The following ZNF510 variants were observed in gnomAD, a reference collection of about 807,000 sequenced individuals.
The protein encoded by ZNF510 is zinc finger protein 510.
ZNF510 carries 15 observed loss-of-function variants against 18.1 expected under a neutral mutation model. That is an observed-to-expected ratio of 0.83 (90% CI 0.55 to 1.28). The LOEUF (loss-of-function observed/expected upper bound fraction) is 1.28. Among genes scored for constraint, ZNF510 ranks in the 50% most tolerant of loss-of-function variants. The probability of loss-of-function intolerance (pLI) is 0.00; values close to 1 mark genes in which losing one functional copy is unlikely to be tolerated. For missense variants in ZNF510, 724 were observed against 791.8 expected (o/e 0.91, Z 1.03); for synonymous variants, 261 against 266.4 (o/e 0.98, Z 0.20).
At chr9:96,763,258 T>C (rs1849397164) in intron 4 of ZNF510, 45 bp from the exon 5 acceptor site, 1 of 1,586,754 alleles carries the variant, frequency 6.3e-7, no homozygotes, top group South Asian at 1.1e-5. Flanking sequence ...ATATATGAGA[T>C]TTTAGTCTCC....
At chr9:96,765,105 T>G (rs1849440557) in intron 3 of ZNF510, among the ~76,000 whole-genome samples, 1 of 150,298 alleles carries the variant, frequency 6.7e-6, no homozygotes. Context: ...AGAGTGAGAT[T>G]CTTGTATAAA....
intron 3 of ZNF510, among the ~76,000 whole-genome samples, chr9:96,774,304 G>C (rs1248689921): frequency 6.7e-6 from 1 of 149,180 alleles, no homozygotes; most frequent in Non-Finnish European, 1.5e-5. Flanking sequence ...CTGAAAAACT[G>C]TATTAATAAT....
At chr9:96,770,251 G>A (rs73554356) in intron 3 of ZNF510, among the ~76,000 whole-genome samples, 5,898 of 152,090 alleles carry the variant, frequency 0.039, 293 homozygotes, top group African/African-American at 0.1. Flanking sequence ...GTACTGATAC[G>A]TACAACATGG....
chr9:96,758,776 C>T lies in ZNF510; in HGVS notation c.*2G>A. 6.4e-7 allele frequency: 1 copy of T among 1,561,180 alleles called. No individual in the cohort carries two copies. Among genetic ancestry groups the T allele is most frequent in the Non-Finnish European group, 8.6e-7 (1 of 1,156,234 alleles). On this transcript the variant is annotated 3_prime_UTR_variant, in exon 6 of 6. Transcript: ENST00000223428. ...TGTCAAAAGGATTTTCTAGTTATTA[C>T]ATCAATAGGGATTCCCCTCTCCCTG...
In ZNF510 at chr9:96,760,220, C is replaced by T. The variant is rs142307404; in HGVS notation, c.610G>A (p.Gly204Ser). 1.4e-3 allele frequency: 2,209 copies of T among 1,612,920 alleles called. 7 individuals carry two copies. The highest frequency in any genetic ancestry group is 5.9e-3 in the South Asian group (533 of 90,716). The change falls in exon 6 of 6, where the codon GGT (glycine) becomes AGT (serine). Residue 204 changes from glycine to serine, a missense_variant. Coordinates refer to ENST00000223428, the MANE Select transcript of ZNF510 (RefSeq NM_014930.3). Reference sequence around the variant, plus strand: ...AAAGGTGAATTCTCACATACATTACCGCAACCTATTTTCTTTGTTGAATAG... The same window carrying T: ...AAAGGTGAATTCTCACATACATTACTGCAACCTATTTTCTTTGTTGAATAG... Reference protein sequence around the residue: ...RNYSTKKIGCGNVCENSPFKI... With the variant: ...RNYSTKKIGCSNVCENSPFKI...
intron 3 of ZNF510, among the ~76,000 whole-genome samples, chr9:96,765,343 T>C (rs146545153): frequency 2.6e-5 from 4 of 152,136 alleles, no homozygotes; most frequent in African/African-American, 7.2e-5. Context: ...TTTGTGGACA[T>C]GTACAGGAAG....
Position 96,758,121 on chromosome 9 carries a change from A to AG in ZNF510, c.*656dup, listed in dbSNP as rs1259856060. The stretch of plus-strand genomic sequence containing the variant: ...ATTGCGTAAAGTGAAAATACAGATA[A>AG]GGGGGGACTACTGTATAAGCTTAAA... On this transcript the variant is annotated 3_prime_UTR_variant, in exon 6 of 6. Coordinates refer to ENST00000223428, the MANE Select transcript of ZNF510 (RefSeq NM_014930.3). 2 of 152,202 alleles carry AG rather than the reference A, an allele frequency of 1.3e-5. No individual in the cohort carries two copies. Among genetic ancestry groups the AG allele is most frequent in the African/African-American group, 4.8e-5 (2 of 41,436 alleles). 9.4% of individuals were successfully genotyped at this position (152,202 alleles called of 1,614,324 possible). A position where few individuals can be genotyped will look rare whatever the true frequency, so the allele number is the denominator to read the frequency against.
Position 96,758,846 on chromosome 9 carries a change from C to CA in ZNF510, c.1983dup (p.Gly662TrpfsTer5), listed in dbSNP as rs759142867. ...AGGGTAGACTTCTTACATAATTTCC[C>CA]ATATTCATTGCATTCATAAGATTTC... On this transcript the variant is annotated frameshift_variant, in exon 6 of 6. Transcript: ENST00000223428. LOFTEE classifies it low-confidence loss of function (END_TRUNC). 1 of 1,613,742 alleles carries CA rather than the reference C, an allele frequency of 6.2e-7. No homozygotes were observed. The highest frequency in any genetic ancestry group is 2.2e-5 in the East Asian group (1 of 44,868).
At chr9:96,762,175 C>T (rs1253321914) in intron 5 of ZNF510, among the ~76,000 whole-genome samples, 2 of 146,772 alleles carry the variant, frequency 1.4e-5, no homozygotes, top group African/African-American at 5.1e-5. Context: ...TAACCAAATA[C>T]CACCTGTTCC....
intron 3 of ZNF510, among the ~76,000 whole-genome samples, chr9:96,766,037 G>T (rs1027411502): frequency 6.6e-6 from 1 of 152,120 alleles, no homozygotes; most frequent in African/African-American, 2.4e-5. Context: ...ATTATGTACT[G>T]ACTGGCTGAC....
At chr9:96,769,332 A>G (rs10156424) in intron 3 of ZNF510, among the ~76,000 whole-genome samples, 8,831 of 151,690 alleles carry the variant, frequency 0.058, 866 homozygotes, top group African/African-American at 0.2. Context: ...AGCTACTCGG[A>G]AGGCTGAGGT....
At chr9:96,764,039 A>G (rs978636547) in intron 3 of ZNF510, among the ~76,000 whole-genome samples, 1 of 152,182 alleles carries the variant, frequency 6.6e-6, no homozygotes, top group Non-Finnish European at 1.5e-5. Flanking sequence ...TGAGGCTGCA[A>G]TGAGCCATGA....
In ZNF510 at chr9:96,760,215, A is replaced by G; in HGVS notation, c.615T>C (p.Asn205=). ...TTTTGAAAGGTGAATTCTCACATACATTACCGCAACCTATTTTCTTTGTTG... is the reference window on the plus strand; with the variant it reads ...TTTTGAAAGGTGAATTCTCACATACGTTACCGCAACCTATTTTCTTTGTTG... The part of the protein sequence containing the change: ...NYSTKKIGCG[N]VCENSPFKIN... Residue 205 remains asparagine (N), a synonymous_variant, in exon 6 of 6, where the codon AAT becomes AAC. Coordinates refer to ENST00000223428, the MANE Select transcript of ZNF510 (RefSeq NM_014930.3). The G allele has an allele frequency of 1.9e-6, 3 of 1,613,202 alleles. No individual in the cohort carries two copies. Among genetic ancestry groups the G allele is most frequent in the Middle Eastern group, 1.7e-4 (1 of 6,052 alleles).
intron 3 of ZNF510, among the ~76,000 whole-genome samples, chr9:96,764,161 AC>A (rs1849416681): frequency 6.6e-6 from 1 of 151,696 alleles, no homozygotes; most frequent in African/African-American, 2.4e-5. Context: ...ATAAATAGAT[AC>A]ATTACTAAAA....
intron 5 of ZNF510, among the ~76,000 whole-genome samples, chr9:96,761,351 T>C (rs1247606324): frequency 2.6e-5 from 4 of 152,208 alleles, no homozygotes; most frequent in Admixed American, 6.5e-5. Flanking sequence ...CTTTATGCAT[T>C]CTAAATGCCT....
In ZNF510 at chr9:96,755,413, T is replaced by G. The variant is rs1849171790; in HGVS notation, c.*3365A>C. Among the ~76,000 whole-genome samples, 1 of 152,206 alleles carries G rather than the reference T, an allele frequency of 6.6e-6. No individual in the cohort carries two copies. Among genetic ancestry groups the G allele is most frequent in the African/African-American group, 2.4e-5 (1 of 41,456 alleles). ...CTAACTGGTCCTAACAGGTACTAAC[T>G]GGGCTTGTGTACCATTAATCTTCCT... On this transcript the variant is annotated 3_prime_UTR_variant, in exon 6 of 6. Coordinates refer to ENST00000223428, the MANE Select transcript of ZNF510 (RefSeq NM_014930.3).
rs371658149 is a variant in ZNF510, at chr9:96,759,591, G to C, written c.1239C>G (p.Phe413Leu). Residue 413 changes from phenylalanine to leucine, a missense_variant, in exon 6 of 6, where the codon TTC (phenylalanine) becomes TTG (leucine). By Grantham distance (22) the Phe-to-Leu change is conservative. Transcript: ENST00000223428. ...PYKCNECGKS[F>L]CQKGHLIQHQ... ...GTTGAATGAGATGTCCTTTCTGACA[G>C]AAGGATTTCCCACATTCATTACATT... The C allele has an allele frequency of 6.2e-7, 1 of 1,613,980 alleles. No individual in the cohort carries two copies. The highest frequency in any genetic ancestry group is 2.2e-5 in the East Asian group (1 of 44,852).
intron 3 of ZNF510, among the ~76,000 whole-genome samples, chr9:96,771,982 G>A (rs1849593641): frequency 6.6e-6 from 1 of 152,068 alleles, no homozygotes; most frequent in Admixed American, 6.5e-5. Flanking sequence ...CCATGAACAT[G>A]AAAAGGACCT....
chr9:96,774,121 C>T (rs1224599279), intron 3 of ZNF510, among the ~76,000 whole-genome samples: 1 of 152,202 alleles, frequency 6.6e-6, no homozygotes, highest in Non-Finnish European at 1.5e-5. Flanking sequence ...CCTTGCATGC[C>T]TTGTTTAGCC....
Sources: allele counts gnomAD v4.1 joint callset (sites outside exome capture counted in the v4.1 genomes callset), GRCh38; gene constraint gnomAD v4.1.1; transcripts MANE v1.5; gene names NCBI Gene and HGNC (gene_info 2026-07-23, HGNC 2026-07-21).